The following NALF1 variants were observed in gnomAD, a reference collection of about 807,000 sequenced individuals.
NALF1 encodes the protein NALCN channel auxiliary factor 1.
A neutral mutation model predicts 48.4 loss-of-function variants in NALF1; 3 were observed. The observed-to-expected ratio is 0.06, with a 90% CI of 0.03 to 0.16. NALF1 has a LOEUF of 0.16. Ranked by LOEUF, NALF1 falls within the 10% of genes least tolerant of loss-of-function variation. NALF1 has a pLI of 1.00. For synonymous variants in NALF1, 262 were observed against 245.7 expected, an observed-to-expected ratio of 1.07 and a Z score of -0.62; for missense variants, 526 against 571.5, an observed-to-expected ratio of 0.92 and a Z score of 0.81.
intron 1 of NALF1, among the ~76,000 whole-genome samples, chr13:107,561,970 T>C (rs1877661731): frequency 6.6e-6 from 1 of 152,238 alleles, no homozygotes; most frequent in Non-Finnish European, 1.5e-5. Flanking sequence ...ATTAACAAGA[T>C]AATATGCAAA....
intron 1 of NALF1, among the ~76,000 whole-genome samples, chr13:107,521,946 C>T (rs1427739636): frequency 2.0e-5 from 3 of 151,658 alleles, no homozygotes; most frequent in Admixed American, 6.6e-5. Flanking sequence ...CACACATACA[C>T]ACACACACAC....
Position 107,671,454 on chromosome 13 carries a change from T to C in NALF1, c.915+194228A>G, listed in dbSNP as rs548140586. ...ATCTATAGCTCATAAGCATAGTCTC[T>C]TACACTGCATTAAATTAGTAATGTA... On this transcript the variant is annotated intron_variant, in intron 1 of 2. Transcript: ENST00000375915. Among the ~76,000 whole-genome samples the C allele has an allele frequency of 3.3e-5, 5 of 152,206 alleles. No individual in the cohort carries two copies. In the South Asian group the frequency reaches 1.0e-3, roughly 32 times the overall value.
At chr13:107,517,474 T>C (rs1876095975) in intron 1 of NALF1, among the ~76,000 whole-genome samples, 2 of 150,992 alleles carry the variant, frequency 1.3e-5, no homozygotes, top group African/African-American at 4.9e-5. Context: ...GCAAAAAAAA[T>C]ACAAAAAATT....
intron 1 of NALF1, among the ~76,000 whole-genome samples, chr13:107,615,484 A>G (rs1879355703): frequency 6.6e-6 from 1 of 152,154 alleles, no homozygotes; most frequent in African/African-American, 2.4e-5. Context: ...TCTTATAATT[A>G]TCTCCCCGTC....
intron 1 of NALF1, among the ~76,000 whole-genome samples, chr13:107,525,602 T>C (rs1388493502): frequency 6.6e-6 from 1 of 152,136 alleles, no homozygotes; most frequent in Non-Finnish European, 1.5e-5. Context: ...TATAAACATA[T>C]ATTTTTCTGT....
At chr13:107,718,104 G>A (rs1054105909) in intron 1 of NALF1, among the ~76,000 whole-genome samples, 50 of 152,168 alleles carry the variant, frequency 3.3e-4, no homozygotes, top group African/African-American at 1.1e-3. Context: ...CCCTCATCCC[G>A]AGGCGAGAGC....
At chr13:107,680,649 TATGA>T (rs1881272215) in intron 1 of NALF1, among the ~76,000 whole-genome samples, 1 of 38,736 alleles carries the variant, frequency 2.6e-5, no homozygotes, top group African/African-American at 5.4e-5. Context: ...AAAGTGTGCA[TATGA>T]GTGTGTATGT....
chr13:107,268,202 A>T (rs1594097176), intron 1 of NALF1, among the ~76,000 whole-genome samples: 1 of 151,880 alleles, frequency 6.6e-6, no homozygotes, highest in Admixed American at 6.6e-5. Flanking sequence ...GTTGGCCAGG[A>T]TGGTCTCAAT....
At chr13:107,700,978 T>G (rs1216590081) in intron 1 of NALF1, among the ~76,000 whole-genome samples, 2 of 152,050 alleles carry the variant, frequency 1.3e-5, no homozygotes, top group Non-Finnish European at 2.9e-5. Context: ...AAAAGACAAG[T>G]CATAATAAAA....
At chr13:107,403,021 A>G (rs1883835404) in intron 1 of NALF1, among the ~76,000 whole-genome samples, 2 of 151,884 alleles carry the variant, frequency 1.3e-5, no homozygotes, top group Non-Finnish European at 2.9e-5. Context: ...TCCTACTGGA[A>G]GTTAGAGCTT....
In NALF1 at chr13:107,787,308, AATAAT is replaced by A. The variant is rs779432698; in HGVS notation, c.915+78369_915+78373del. Among the ~76,000 whole-genome samples the A allele has an allele frequency of 7.2e-5, 11 of 152,094 alleles. No individual in the cohort carries two copies. The South Asian group carries it at 2.3e-3, about 32-fold the overall frequency. Reference sequence around the variant, plus strand: ...TAAAACTCTGGCCTTAAATTTTTCCAATAATATGTTTACAGCTGAAAATATTATCA... The same window carrying A: ...TAAAACTCTGGCCTTAAATTTTTCCAATGTTTACAGCTGAAAATATTATCA... On this transcript the variant is annotated intron_variant, in intron 1 of 2. Coordinates refer to ENST00000375915, the MANE Select transcript of NALF1 (RefSeq NM_001080396.3).
intron 1 of NALF1, among the ~76,000 whole-genome samples, chr13:107,575,598 C>T (rs1337062651): frequency 2.0e-5 from 3 of 152,158 alleles, no homozygotes; most frequent in Non-Finnish European, 2.9e-5. Flanking sequence ...CCATGCTATG[C>T]CATTCCCTGC....
intron 1 of NALF1, among the ~76,000 whole-genome samples, chr13:107,329,960 A>T (rs1035002975): frequency 2.6e-5 from 4 of 152,084 alleles, no homozygotes; most frequent in Non-Finnish European, 2.9e-5. Context: ...ATTTCAGGTC[A>T]TAGGATTTGG....
intron 1 of NALF1, among the ~76,000 whole-genome samples, chr13:107,499,510 A>AT (rs1875446594): frequency 1.3e-5 from 2 of 152,128 alleles, no homozygotes; most frequent in South Asian, 4.1e-4. Context: ...GCCAGGCCAT[A>AT]TTGAAGTCTT....
At chr13:107,553,353 CAT>C (rs1207928852) in intron 1 of NALF1, among the ~76,000 whole-genome samples, 4 of 152,126 alleles carry the variant, frequency 2.6e-5, no homozygotes, top group Admixed American at 6.5e-5. Context: ...GACTTATATA[CAT>C]GTTACCTGAC....
chr13:107,646,327 T>TA lies in NALF1; in HGVS notation c.915+219354dup, dbSNP rs1880314447. Among the ~76,000 whole-genome samples the TA allele has an allele frequency of 3.4e-5, 5 of 148,090 alleles. No homozygotes were observed. The Admixed American group carries it at 3.4e-4, about 10-fold the overall frequency. On this transcript the variant is annotated intron_variant, in intron 1 of 2. Transcript: ENST00000375915. ...AAAGCAACAAAATGGTGTAGACAGG[T>TA]AAAAACCTTTCACATTCACATCCTA...
In NALF1 at chr13:107,866,573, A is replaced by G. The variant is rs1486122412; in HGVS notation, c.24T>C (p.Cys8=). The G allele has an allele frequency of 4.3e-6, 7 of 1,609,892 alleles. No individual in the cohort carries two copies. The highest frequency in any genetic ancestry group is 5.9e-6 in the Non-Finnish European group (7 of 1,179,624). The change falls in exon 1 of 3, where the codon TGT becomes TGC. Residue 8 remains cysteine (C), a synonymous_variant. Coordinates refer to ENST00000375915, the MANE Select transcript of NALF1 (RefSeq NM_001080396.3). The surrounding 1 kb of genome is among the most constrained non-coding windows in gnomAD (Gnocchi z 4.4). The stretch of plus-strand genomic sequence containing the variant: ...TTTTTAAGCCGTCGTCATACTGCCG[A>G]CACATCCAAGCACCCCTGGTCATAT... MTRGAWM[C]RQYDDGLKIW...
intron 1 of NALF1, among the ~76,000 whole-genome samples, chr13:107,791,060 G>GTGGAAAAA (rs1425419798): frequency 1.3e-5 from 2 of 152,028 alleles, no homozygotes; most frequent in East Asian, 3.9e-4. Context: ...GGTTGTAAAG[G>GTGGAAAAA]TGGCAAATGG....
At chr13:107,190,008 T>G (rs1422775963) in intron 2 of NALF1, among the ~76,000 whole-genome samples, 1 of 152,304 alleles carries the variant, frequency 6.6e-6, no homozygotes, top group African/African-American at 2.4e-5. Flanking sequence ...TTGAGAACAT[T>G]ACCTATTATG....
Sources: gnomAD v4.1 joint callset for allele counts (sites outside exome capture counted in the v4.1 genomes callset) on GRCh38, gnomAD v4.1.1 for gene constraint, Gnocchi (gnomAD v3.1) non-coding constraint, MANE v1.5 for transcripts, NCBI Gene and HGNC (gene_info 2026-07-23, HGNC 2026-07-21) for gene names.